Variants in APOH observed in about 807,000 individuals in gnomAD.
The protein encoded by APOH is apolipoprotein H.
Under a neutral mutation model 39.8 loss-of-function variants are expected in APOH, and 48 were observed. That is an observed-to-expected ratio of 1.21 (90% CI 0.96 to 1.54). The LOEUF (loss-of-function observed/expected upper bound fraction) is 1.54, where lower values mean the gene tolerates loss of function less well. APOH is among the 40% of genes most tolerant of loss of function. The pLI is 0.00. For synonymous variants in APOH, 153 were observed against 151.1 expected (o/e 1.01, Z -0.09); for missense variants, 415 against 421.2 (o/e 0.99, Z 0.13).
intron 3 of APOH, among the ~76,000 whole-genome samples, chr17:66,225,546 C>T (rs971275515): frequency 6.6e-6 from 1 of 152,136 alleles, no homozygotes; most frequent in Non-Finnish European, 1.5e-5. Context: ...AATTATCATC[C>T]AGGTTCAATC....
At chr17:66,222,504 G>T (rs1432811930) in intron 4 of APOH, among the ~76,000 whole-genome samples, 1 of 145,882 alleles carries the variant, frequency 6.9e-6, no homozygotes, top group East Asian at 2.0e-4. Context: ...AAAAACTTTC[G>T]TTTTTGCTTG....
At chr17:66,215,127 G>C (rs2073357224) in intron 6 of APOH, among the ~76,000 whole-genome samples, 1 of 152,094 alleles carries the variant, frequency 6.6e-6, no homozygotes, top group Admixed American at 6.6e-5. Flanking sequence ...CCACCCCCAG[G>C]GTCAGGGAAG....
intron 5 of APOH, among the ~76,000 whole-genome samples, chr17:66,217,210 C>G (rs916464496): frequency 1.3e-5 from 2 of 152,116 alleles, no homozygotes; most frequent in Non-Finnish European, 2.9e-5. Context: ...ACTAAGTTCT[C>G]TGGGTTTTCA....
intron 3 of APOH, among the ~76,000 whole-genome samples, chr17:66,224,376 A>C (rs2073421357): frequency 6.8e-6 from 1 of 147,838 alleles, no homozygotes; most frequent in African/African-American, 2.5e-5. Flanking sequence ...AGGTGGAAGG[A>C]AGGATTCAAA....
intron 2 of APOH, 147 bp downstream of exon 2, chr17:66,227,873 C>T: frequency 2.6e-6 from 2 of 763,020 alleles, no homozygotes; most frequent in Non-Finnish European, 4.3e-6. Context: ...AGAGAGAACT[C>T]CCCAAGACCT....
chr17:66,218,986 G>A (rs1011355090), intron 5 of APOH, among the ~76,000 whole-genome samples: 1 of 151,814 alleles, frequency 6.6e-6, no homozygotes, highest in Non-Finnish European at 1.5e-5. Flanking sequence ...CTCCAGCCTG[G>A]GTGACAGAGT....
intron 6 of APOH, among the ~76,000 whole-genome samples, chr17:66,216,347 G>A (rs8178935): frequency 0.026 from 3,965 of 152,068 alleles, 176 homozygotes; most frequent in African/African-American, 0.091. Flanking sequence ...GCCAGGTGTG[G>A]TGGTGGGGTG....
At chr17:66,220,778 A>G (rs2146995184) in intron 4 of APOH, 36 bp from the exon 5 acceptor site, 1 of 1,558,766 alleles carries the variant, frequency 6.4e-7, no homozygotes, top group East Asian at 2.3e-5. Flanking sequence ...CTATGAAAAT[A>G]GTTAAGGCTT....
intron 5 of APOH, 94 bp from the exon 6 acceptor site, chr17:66,217,061 A>G: frequency 9.4e-7 from 1 of 1,062,880 alleles, no homozygotes; most frequent in African/African-American, 1.6e-5. Context: ...ACACCACTGA[A>G]TCACTGTGTG....
At chr17:66,221,231 T>C (rs1437413594) in intron 4 of APOH, among the ~76,000 whole-genome samples, 2 of 83,054 alleles carry the variant, frequency 2.4e-5, no homozygotes, top group Admixed American at 3.1e-4. Flanking sequence ...AATAAATAAA[T>C]AAATAAAGAC....
intron 3 of APOH, among the ~76,000 whole-genome samples, chr17:66,224,469 G>GT (rs1555572785): frequency 2.2e-4 from 5 of 22,748 alleles, no homozygotes; most frequent in African/African-American, 7.2e-4. Context: ...GGAAGATCCT[G>GT]TAAAAAAAAA....
rs760922972 is a variant in APOH at position 66,226,127 on chromosome 17, G to C, written c.242-3C>G. 5.6e-6 allele frequency: 9 copies of C among 1,595,708 alleles called. No homozygotes were observed. Among genetic ancestry groups the C allele is most frequent in the Non-Finnish European group, 7.7e-6 (9 of 1,171,842 alleles). On this transcript the variant is annotated splice_polypyrimidine_tract_variant and splice_region_variant and intron_variant, in intron 2 of 7. Coordinates refer to ENST00000205948, the MANE Select transcript of APOH (RefSeq NM_000042.3). Reference sequence around the variant, plus strand: ...TCCAGCAAAAGGACATACTCTGGCTGTGATACAAAGATAAAAAATGTTACT... The same window carrying C: ...TCCAGCAAAAGGACATACTCTGGCTCTGATACAAAGATAAAAAATGTTACT...
At chr17:66,223,567 G>T in intron 4 of APOH, 131 bp downstream of exon 4, 1 of 764,902 alleles carries the variant, frequency 1.3e-6, no homozygotes, top group Non-Finnish European at 2.2e-6. Context: ...ATACCAGGAT[G>T]AATATCCCCC....
chr17:66,219,565 T>C (rs952285121), intron 5 of APOH, among the ~76,000 whole-genome samples: 16 of 152,210 alleles, frequency 1.1e-4, no homozygotes, highest in Admixed American at 7.9e-4. Flanking sequence ...AAATCACTTA[T>C]GTTTTGAATC....
At chr17:66,224,612 AG>A (rs962920714) in intron 3 of APOH, among the ~76,000 whole-genome samples, 1 of 145,790 alleles carries the variant, frequency 6.9e-6, no homozygotes, top group Non-Finnish European at 1.5e-5. Context: ...AGAAAGAAAA[AG>A]AAAGAAAGAA....
chr17:66,220,882 T>A, intron 4 of APOH, 140 bp from the exon 5 acceptor site: 1 of 894,306 alleles, frequency 1.1e-6, no homozygotes, highest in South Asian at 1.9e-5. Context: ...AAATTGTCAA[T>A]TGTGGATGCC....
intron 7 of APOH, among the ~76,000 whole-genome samples, chr17:66,213,980 T>C (rs778042459): frequency 6.6e-6 from 1 of 152,074 alleles, no homozygotes; most frequent in African/African-American, 2.4e-5. Flanking sequence ...GGGGACGCCA[T>C]CTGCAGCTCA....
intron 3 of APOH, among the ~76,000 whole-genome samples, chr17:66,224,488 A>AAAG (rs2073422720): frequency 2.3e-5 from 2 of 88,168 alleles, no homozygotes; most frequent in Non-Finnish European, 5.5e-5. Context: ...AAAAAAAAAA[A>AAAG]AAAGAAAAGA....
At chr17:66,219,997 AT>A (rs1301921412) in intron 5 of APOH, among the ~76,000 whole-genome samples, 1 of 152,232 alleles carries the variant, frequency 6.6e-6, no homozygotes, top group African/African-American at 2.4e-5. Flanking sequence ...GAAGATAGTA[AT>A]GACAGGTCAA....
Sources: gnomAD v4.1 joint callset for allele counts (sites outside exome capture counted in the v4.1 genomes callset) on GRCh38, gnomAD v4.1.1 for gene constraint, MANE v1.5 for transcripts, NCBI Gene and HGNC (gene_info 2026-07-23, HGNC 2026-07-21) for gene names.